The following MED13L variants were observed in gnomAD, a reference collection of about 807,000 sequenced individuals.
MED13L encodes mediator of RNA polymerase II transcription subunit 13-like.
Under a neutral mutation model 220.9 loss-of-function variants are expected in MED13L, and 7 were observed. The ratio of observed to expected loss-of-function variants is 0.03; its 90% CI spans 0.02 to 0.06. MED13L has a LOEUF of 0.06. MED13L is among the 10% of genes least tolerant of loss of function. The pLI, the probability that MED13L is intolerant of heterozygous loss-of-function variation, is 1.00. For missense variants in MED13L, 1,965 were observed against 2,760.5 expected, an observed-to-expected ratio of 0.71 and a Z score of 6.46; for synonymous variants, 1,011 against 1,015.2, an observed-to-expected ratio of 1.00 and a Z score of 0.08.
chr12:116,094,547 T>C (rs1284658743), intron 4 of MED13L, among the ~76,000 whole-genome samples: 1 of 152,216 alleles, frequency 6.6e-6, no homozygotes, highest in Non-Finnish European at 1.5e-5. Flanking sequence ...TAATGATAGT[T>C]ATTTTTTACT....
chr12:115,993,331 C>T (rs969741928), intron 16 of MED13L, among the ~76,000 whole-genome samples: 1 of 152,008 alleles, frequency 6.6e-6, no homozygotes, highest in African/African-American at 2.4e-5. Flanking sequence ...TTTTAATATC[C>T]TTTTATATAT....
chr12:116,237,361 C>G (rs1489761761), intron 2 of MED13L, 107 bp downstream of exon 2: 1 of 909,978 alleles, frequency 1.1e-6, no homozygotes, highest in African/African-American at 1.7e-5. Context: ...ATCCATGAAA[C>G]ACTTAAGATC....
At chr12:116,224,663 T>G (rs1258367781) in intron 2 of MED13L, among the ~76,000 whole-genome samples, 1 of 152,038 alleles carries the variant, frequency 6.6e-6, no homozygotes, top group African/African-American at 2.4e-5. Context: ...TGGGGTTTGT[T>G]GTTTGTTGTT....
At chr12:116,030,489 G>A (rs975549441) in intron 4 of MED13L, among the ~76,000 whole-genome samples, 2 of 151,834 alleles carry the variant, frequency 1.3e-5, no homozygotes, top group Non-Finnish European at 2.9e-5. Context: ...CTTAAATGAA[G>A]AAAGCAAGGA....
chr12:116,027,096 T>C (rs1880440778), intron 4 of MED13L, among the ~76,000 whole-genome samples: 1 of 151,450 alleles, frequency 6.6e-6, no homozygotes, highest in South Asian at 2.1e-4. Context: ...AATTTGCATG[T>C]GGCATAACAT....
intron 4 of MED13L, among the ~76,000 whole-genome samples, chr12:116,035,203 C>T (rs539837183): frequency 9.9e-5 from 15 of 152,090 alleles, no homozygotes; most frequent in African/African-American, 3.6e-4. Context: ...AATATACAAG[C>T]GTGAAACTAT....
chr12:116,090,791 T>G (rs985856320), intron 4 of MED13L, among the ~76,000 whole-genome samples: 5 of 152,284 alleles, frequency 3.3e-5, no homozygotes, highest in Admixed American at 6.5e-5. Context: ...AAAAAGGAAT[T>G]ACAATAATGG....
intron 2 of MED13L, among the ~76,000 whole-genome samples, chr12:116,116,006 T>C (rs578204194): frequency 6.6e-6 from 1 of 152,354 alleles, no homozygotes; most frequent in East Asian, 1.9e-4. Flanking sequence ...CAATATCCCG[T>C]TGTAATATGA....
At chr12:115,987,391 T>C (rs1248670118) in intron 17 of MED13L, 103 bp from the exon 18 acceptor site, 4 of 1,051,554 alleles carry the variant, frequency 3.8e-6, no homozygotes, top group South Asian at 1.4e-5. Context: ...AATGACGTTA[T>C]TAGCTGTAGT....
chr12:116,098,916 CTT>C (rs1306586872), intron 3 of MED13L, among the ~76,000 whole-genome samples: 9 of 152,122 alleles, frequency 5.9e-5, no homozygotes, highest in African/African-American at 1.9e-4. Context: ...AGCTAACAGA[CTT>C]AATTATATTT....
chr12:116,033,696 A>C (rs780911187), intron 4 of MED13L, among the ~76,000 whole-genome samples: 3 of 152,130 alleles, frequency 2.0e-5, no homozygotes, highest in Non-Finnish European at 4.4e-5. Flanking sequence ...GCTTCCCTAG[A>C]TATCAGGATT....
chr12:116,063,266 T>C (rs1186790933), intron 4 of MED13L, among the ~76,000 whole-genome samples: 1 of 152,184 alleles, frequency 6.6e-6, no homozygotes, highest in Non-Finnish European at 1.5e-5. Flanking sequence ...AAATTAAGCA[T>C]TGTTTTGGGC....
At chr12:116,185,239 T>C (rs1435123779) in intron 2 of MED13L, among the ~76,000 whole-genome samples, 1 of 152,196 alleles carries the variant, frequency 6.6e-6, no homozygotes, top group East Asian at 1.9e-4. Context: ...GCAATATTAT[T>C]GGATAACCAA....
intron 2 of MED13L, among the ~76,000 whole-genome samples, chr12:116,202,678 G>C (rs898820805): frequency 3.9e-5 from 6 of 152,182 alleles, no homozygotes; most frequent in Admixed American, 3.3e-4. Context: ...TAAATCTCCT[G>C]TGGCTGTGAT....
chr12:116,008,567 C>T lies in MED13L; in HGVS notation c.1846G>A (p.Ala616Thr). The change falls in exon 10 of 31, where the codon GCC becomes ACC. Residue 616 changes from alanine to threonine, a missense_variant. Coordinates refer to ENST00000281928, the MANE Select transcript of MED13L (RefSeq NM_015335.5). ...LPLMAEVSETALYCGIRPSNP... is the reference protein window; with the variant it reads ...LPLMAEVSETTLYCGIRPSNP... The stretch of plus-strand genomic sequence containing the variant: ...GAGGGCCTAATCCCACAATATAAGG[C>T]TGTCTCGCTGACCTCTGCCATGAGA... 6.2e-7 allele frequency: 1 copy of T among 1,614,056 alleles called. No homozygotes were observed. Among genetic ancestry groups the T allele is most frequent in the African/African-American group, 1.3e-5 (1 of 75,062 alleles).
At chr12:116,162,569 T>C (rs1878969934) in intron 2 of MED13L, among the ~76,000 whole-genome samples, 1 of 152,208 alleles carries the variant, frequency 6.6e-6, no homozygotes, top group Admixed American at 6.5e-5. Flanking sequence ...CCAAAGACAT[T>C]TTAAATTTTT....
chr12:116,048,307 C>A (rs569864856), intron 4 of MED13L, among the ~76,000 whole-genome samples: 2 of 152,030 alleles, frequency 1.3e-5, no homozygotes, highest in Non-Finnish European at 1.5e-5. Flanking sequence ...GTGGGCTGAA[C>A]TGGGATAGGA....
chr12:116,276,937 G>A, intron 1 of MED13L, 123 bp downstream of exon 1: 2 of 1,130,808 alleles, frequency 1.8e-6, no homozygotes, highest in African/African-American at 1.6e-5. Flanking sequence ...AGAGGCGAAC[G>A]GCGGGGAGAC....
chr12:116,007,123 T>C (rs1038240769), intron 11 of MED13L: 13 of 441,212 alleles, frequency 2.9e-5, no homozygotes, highest in South Asian at 7.3e-5. Flanking sequence ...ATAGGGAGCA[T>C]AGGCCAACAA....
Sources: gnomAD v4.1 joint callset for allele counts (sites outside exome capture counted in the v4.1 genomes callset) on GRCh38, gnomAD v4.1.1 for gene constraint, MANE v1.5 for transcripts, NCBI Gene and HGNC (gene_info 2026-07-23, HGNC 2026-07-21) for gene names.